Variants in SCAPER observed in about 807,000 individuals in gnomAD.
The protein encoded by SCAPER is S phase cyclin A-associated protein in the endoplasmic reticulum.
A neutral mutation model predicts 182.2 loss-of-function variants in SCAPER; 98 were observed. The observed-to-expected ratio is 0.54, with a 90% CI of 0.46 to 0.64. The LOEUF (loss-of-function observed/expected upper bound fraction) is 0.64, where lower values mean the gene tolerates loss of function less well. Ranked by LOEUF, SCAPER falls within the 30% of genes least tolerant of loss-of-function variation. SCAPER has a pLI of 0.00. For missense variants in SCAPER, 1,432 were observed against 1,690.0 expected (o/e 0.85, Z 2.68); for synonymous variants, 605 against 564.6 (o/e 1.07, Z -1.01).
chr15:76,469,384 C>T (rs2049952893), intron 25 of SCAPER, among the ~76,000 whole-genome samples: 1 of 152,134 alleles, frequency 6.6e-6, no homozygotes, highest in South Asian at 2.1e-4. Flanking sequence ...GTGTCCCTTA[C>T]TGTTAACATC....
chr15:76,785,992 T>C (rs964206203), intron 8 of SCAPER, among the ~76,000 whole-genome samples: 4 of 152,086 alleles, frequency 2.6e-5, no homozygotes, highest in African/African-American at 9.7e-5. Flanking sequence ...AACCTGCATG[T>C]TGTGCACATG....
At chr15:76,563,406 A>G (rs1042485856) in intron 23 of SCAPER, among the ~76,000 whole-genome samples, 2 of 152,204 alleles carry the variant, frequency 1.3e-5, no homozygotes, top group Non-Finnish European at 2.9e-5. Context: ...CTATGCACAT[A>G]AACTAGAAAA....
chr15:76,667,519 A>G (rs2056670752), intron 20 of SCAPER, among the ~76,000 whole-genome samples: 1 of 151,658 alleles, frequency 6.6e-6, no homozygotes, highest in Non-Finnish European at 1.5e-5. Flanking sequence ...ATTCACCTGC[A>G]TAAAAATGTC....
intron 25 of SCAPER, among the ~76,000 whole-genome samples, chr15:76,467,367 A>G (rs1021157801): frequency 1.2e-4 from 18 of 151,980 alleles, no homozygotes; most frequent in African/African-American, 4.3e-4. Context: ...GCAGCCTTCC[A>G]AAAAGCTGGG....
chr15:76,487,482 C>A (rs1174756562), intron 24 of SCAPER, among the ~76,000 whole-genome samples: 2 of 152,092 alleles, frequency 1.3e-5, no homozygotes, highest in African/African-American at 4.8e-5. Flanking sequence ...CCCCACAGAA[C>A]TAGAAAAGGC....
At chr15:76,469,858 T>C (rs2049995230) in intron 25 of SCAPER, among the ~76,000 whole-genome samples, 1 of 152,170 alleles carries the variant, frequency 6.6e-6, no homozygotes, top group Non-Finnish European at 1.5e-5. Context: ...AATGTTATCT[T>C]TTCTCCTTGT....
chr15:76,555,430 T>A (rs753014025), intron 23 of SCAPER, among the ~76,000 whole-genome samples: 1 of 152,168 alleles, frequency 6.6e-6, no homozygotes, highest in Non-Finnish European at 1.5e-5. Flanking sequence ...TTAAAAGGCA[T>A]AGAGTGGTAA....
intron 4 of SCAPER, among the ~76,000 whole-genome samples, 197 bp downstream of exon 4, chr15:76,857,612 C>G (rs183236177): frequency 9.9e-5 from 15 of 152,198 alleles, no homozygotes; most frequent in Admixed American, 7.9e-4. Flanking sequence ...GAGAACCAAA[C>G]AAATTAATAT....
In SCAPER at chr15:76,705,915, T is replaced by G; in HGVS notation, c.2235A>C (p.Lys745Asn). 6.4e-7 allele frequency: 1 copy of G among 1,554,680 alleles called. No homozygotes were observed. The highest frequency in any genetic ancestry group is 8.7e-7 in the Non-Finnish European group (1 of 1,151,654). Residue 745 changes from lysine to asparagine, a missense_variant, in exon 18 of 32, where the codon AAA becomes AAC. Physicochemically the swap from Lys to Asn is moderately conservative, Grantham distance 94 (BLOSUM62 0). Transcript: ENST00000563290. ...QQEAMEELQKKIQLKHDESIR... is the reference protein window; with the variant it reads ...QQEAMEELQKNIQLKHDESIR... ...ATAATATCCTTACCTTGAGCTGAAT[T>G]TTTTTCTGTAACTCTTCCATAGCTT...
rs114414030 is a variant in SCAPER, at chr15:76,796,094, T to G, written c.612-654A>C. Among the ~76,000 whole-genome samples the G allele has an allele frequency of 1.0e-3, 152 of 152,242 alleles. 2 individuals are homozygous for G. Among genetic ancestry groups the G allele is most frequent in the African/African-American group, 3.6e-3 (149 of 41,550 alleles). ...AAAAGAAAAAGACATAAATATGCAT[T>G]AATTCGTCAATCTTGATAAAGACAC... On this transcript the variant is annotated intron_variant, in intron 7 of 31. Coordinates refer to ENST00000563290, the MANE Select transcript of SCAPER (RefSeq NM_020843.4).
intron 8 of SCAPER, among the ~76,000 whole-genome samples, chr15:76,786,062 C>T (rs1407914359): frequency 6.6e-6 from 1 of 151,996 alleles, no homozygotes; most frequent in Non-Finnish European, 1.5e-5. Context: ...AGTACGGTGG[C>T]TCATGCCTGT....
intron 15 of SCAPER, among the ~76,000 whole-genome samples, chr15:76,745,907 C>T (rs1205333108): frequency 2.0e-5 from 3 of 152,134 alleles, no homozygotes; most frequent in Admixed American, 2.0e-4. Flanking sequence ...AATAATCTAC[C>T]TTCAGACTGT....
chr15:76,744,730 C>T (rs2151134466), intron 15 of SCAPER, among the ~76,000 whole-genome samples: 1 of 152,306 alleles, frequency 6.6e-6, no homozygotes, highest in Admixed American at 6.5e-5. Flanking sequence ...GTGGCAATTT[C>T]TGAAAGAACT....
rs185640069 is a variant in SCAPER at position 76,584,094 on chromosome 15, G to A, written c.2712-9810C>T. On this transcript the variant is annotated intron_variant, in intron 22 of 31. Coordinates refer to ENST00000563290, the MANE Select transcript of SCAPER (RefSeq NM_020843.4). ...AATGGAATATATCACCAATAAAAAG[G>A]AATGAGATCTTGTCATTTGCAACAA... Among the ~76,000 whole-genome samples, 230 of 152,250 alleles carry A rather than the reference G, an allele frequency of 1.5e-3. 2 individuals carry two copies. The highest frequency in any genetic ancestry group is 4.9e-3 in the African/African-American group (203 of 41,568).
At chr15:76,710,225 C>T (rs1445807085) in intron 17 of SCAPER, among the ~76,000 whole-genome samples, 2 of 151,754 alleles carry the variant, frequency 1.3e-5, no homozygotes, top group Non-Finnish European at 2.9e-5. Context: ...AGAAGTAAAA[C>T]AAACTTTATT....
At chr15:76,786,458 A>C (rs1406084948) in intron 8 of SCAPER, among the ~76,000 whole-genome samples, 1 of 152,198 alleles carries the variant, frequency 6.6e-6, no homozygotes, top group Non-Finnish European at 1.5e-5. Context: ...CATAATAAAA[A>C]TTTGCATTAA....
chr15:76,793,102 G>A, intron 8 of SCAPER: 1 of 564,328 alleles, frequency 1.8e-6, no homozygotes, highest in Non-Finnish European at 3.0e-6. Flanking sequence ...ATTTTAGCTG[G>A]GTTTGGGGAA....
chr15:76,423,598 G>GT (rs1413923173), intron 26 of SCAPER, among the ~76,000 whole-genome samples: 2 of 152,078 alleles, frequency 1.3e-5, no homozygotes, highest in African/African-American at 4.8e-5. Flanking sequence ...TTTTTGAAGG[G>GT]TTTTTTGTTT....
intron 23 of SCAPER, among the ~76,000 whole-genome samples, chr15:76,527,522 T>G (rs534637103): frequency 6.6e-6 from 1 of 152,340 alleles, no homozygotes; most frequent in Non-Finnish European, 1.5e-5. Flanking sequence ...GTGCTCTCTC[T>G]TCTTCCCTAG....
Sources: allele counts gnomAD v4.1 joint callset (sites outside exome capture counted in the v4.1 genomes callset), GRCh38; gene constraint gnomAD v4.1.1; transcripts MANE v1.5; gene names NCBI Gene and HGNC (gene_info 2026-07-23, HGNC 2026-07-21).